Variants in PHF14 observed in about 807,000 individuals in gnomAD.
PHF14 encodes PHD finger protein 14.
A neutral mutation model predicts 117.9 loss-of-function variants in PHF14; 55 were observed. That is an observed-to-expected ratio of 0.47 (90% confidence interval 0.38 to 0.58). PHF14 has a LOEUF of 0.58. PHF14 is among the 20% of genes least tolerant of loss of function. The pLI is 0.00. For missense variants in PHF14, 978 were observed against 1,122.2 expected, an observed-to-expected ratio of 0.87 and a Z score of 1.84; for synonymous variants, 409 against 368.6, an observed-to-expected ratio of 1.11 and a Z score of -1.26.
intron 17 of PHF14, among the ~76,000 whole-genome samples, chr7:11,163,472 T>A (rs1180193834): frequency 6.6e-6 from 1 of 152,210 alleles, no homozygotes; most frequent in Non-Finnish European, 1.5e-5. Flanking sequence ...CTTCAATTGC[T>A]CATTCAATGC....
At chr7:11,027,804 A>T (rs917159575) in intron 6 of PHF14, among the ~76,000 whole-genome samples, 7 of 152,080 alleles carry the variant, frequency 4.6e-5, no homozygotes, top group African/African-American at 1.7e-4. Context: ...TTTTCCAAGC[A>T]ATTTTATATT....
intron 16 of PHF14, among the ~76,000 whole-genome samples, chr7:11,077,141 C>A (rs1375977505): frequency 1.3e-5 from 2 of 151,956 alleles, no homozygotes; most frequent in Admixed American, 6.6e-5. Flanking sequence ...TCATTATGGT[C>A]ATCTATTTAC....
At chr7:10,983,740 T>C (rs1294656669) in intron 3 of PHF14, among the ~76,000 whole-genome samples, 1 of 152,176 alleles carries the variant, frequency 6.6e-6, no homozygotes, top group Non-Finnish European at 1.5e-5. Flanking sequence ...TTTTTACATA[T>C]ATTTAGTAAA....
chr7:11,036,838 A>G lies in PHF14; in HGVS notation c.1874-147A>G, dbSNP rs908654207. ...TTTTCCTAATATGTTGTGGGTTTTTACAAAATGCTAGGTTCATTTATTTGT... is the reference window on the plus strand; with the variant it reads ...TTTTCCTAATATGTTGTGGGTTTTTGCAAAATGCTAGGTTCATTTATTTGT... On this transcript the variant is annotated intron_variant, in intron 9 of 17. Transcript: ENST00000634607. 3 of 949,374 alleles carry G rather than the reference A, an allele frequency of 3.2e-6. No homozygotes were observed. In the African/African-American group the frequency reaches 5.0e-5, roughly 16 times the overall value. The allele number at this position is 949,374 out of a possible 1,614,324, so 58.8% of individuals were successfully genotyped here.
chr7:11,107,338 CA>C, intron 16 of PHF14: 23 of 920,626 alleles, frequency 2.5e-5, no homozygotes, highest in Non-Finnish European at 3.0e-5. Flanking sequence ...AAGTATTTTA[CA>C]TACATATAGA....
chr7:11,052,855 C>G (rs1014000927), intron 14 of PHF14, among the ~76,000 whole-genome samples: 2 of 152,028 alleles, frequency 1.3e-5, no homozygotes, highest in East Asian at 3.8e-4. Flanking sequence ...TAAAGAGTTT[C>G]TTCTGGGGAA....
intron 17 of PHF14, among the ~76,000 whole-genome samples, chr7:11,149,005 T>C (rs978843008): frequency 6.6e-6 from 1 of 152,082 alleles, no homozygotes; most frequent in African/African-American, 2.4e-5. Context: ...TTCCTTGAAA[T>C]AGGGTTTTTT....
At chr7:11,050,798 T>C (rs1784830120) in intron 13 of PHF14, among the ~76,000 whole-genome samples, 2 of 152,210 alleles carry the variant, frequency 1.3e-5, no homozygotes. Context: ...TAAATAAATG[T>C]ATATTTCTTC....
chr7:11,023,031 A>C, intron 6 of PHF14, 52 bp downstream of exon 6: 1 of 955,920 alleles, frequency 1.0e-6, no homozygotes, highest in Non-Finnish European at 1.6e-6. Flanking sequence ...TTTACTTGTT[A>C]GTTTACCTGG....
At chr7:10,996,816 G>A (rs536695076) in intron 4 of PHF14, among the ~76,000 whole-genome samples, 72 of 152,272 alleles carry the variant, frequency 4.7e-4, no homozygotes, top group Middle Eastern at 3.4e-3. Flanking sequence ...GTGAGAACCA[G>A]AGCCCACAAG....
chr7:10,976,446 G>T (rs541919859), intron 2 of PHF14, among the ~76,000 whole-genome samples: 2 of 152,236 alleles, frequency 1.3e-5, no homozygotes, highest in East Asian at 3.9e-4. Flanking sequence ...TGTAAACTTT[G>T]ACAAACATAG....
At chr7:11,032,979 C>A (rs1214480511) in intron 7 of PHF14, among the ~76,000 whole-genome samples, 1 of 152,118 alleles carries the variant, frequency 6.6e-6, no homozygotes, top group African/African-American at 2.4e-5. Flanking sequence ...AGTTTTCTAT[C>A]CATAAAATTG....
intron 7 of PHF14, among the ~76,000 whole-genome samples, chr7:11,031,610 T>G (rs1784123069): frequency 7.0e-6 from 1 of 142,490 alleles, no homozygotes; most frequent in African/African-American, 2.5e-5. Flanking sequence ...AAAAAAAAAT[T>G]AGCTGGGTGT....
At chr7:11,157,030 G>A (rs1044208537) in intron 17 of PHF14, among the ~76,000 whole-genome samples, 7 of 152,040 alleles carry the variant, frequency 4.6e-5, no homozygotes, top group African/African-American at 1.7e-4. Context: ...ATGTTGTCAT[G>A]GTTCAGTTAT....
At chr7:11,149,739 A>G (rs2128353597) in intron 17 of PHF14, among the ~76,000 whole-genome samples, 1 of 152,254 alleles carries the variant, frequency 6.6e-6, no homozygotes, top group Admixed American at 6.5e-5. Context: ...TTTGTTATCT[A>G]CTGATGATTT....
At chr7:11,158,494 A>G (rs1481854900) in intron 17 of PHF14, among the ~76,000 whole-genome samples, 1 of 152,114 alleles carries the variant, frequency 6.6e-6, no homozygotes, top group Non-Finnish European at 1.5e-5. Context: ...TCAAGGTAGT[A>G]TTTGTCAGCT....
rs139522263 is a variant in PHF14 at position 11,023,565 on chromosome 7, G to A, written c.1317+586G>A. Among the ~76,000 whole-genome samples the A allele has an allele frequency of 6.1e-4, 93 of 152,260 alleles. No individual in the cohort carries two copies. The Middle Eastern group carries it at 0.01, about 17-fold the overall frequency. On this transcript the variant is annotated intron_variant, in intron 6 of 17. Coordinates refer to ENST00000634607, the MANE Select transcript of PHF14 (RefSeq NM_001007157.2). The stretch of plus-strand genomic sequence containing the variant: ...TGGCCAATTAGGGCTGGGTGCTCAC[G>A]CCTGTTATCCCAGCACTTCGGGAGG...
intron 1 of PHF14, among the ~76,000 whole-genome samples, chr7:10,974,525 A>G (rs1781796857): frequency 6.6e-6 from 1 of 152,144 alleles, no homozygotes; most frequent in Non-Finnish European, 1.5e-5. Context: ...TACGATGTCT[A>G]AGTGGGGGAT....
At chr7:10,975,946 ACAG>A (rs1326172583) in intron 2 of PHF14, among the ~76,000 whole-genome samples, 6 of 152,188 alleles carry the variant, frequency 3.9e-5, no homozygotes, top group Non-Finnish European at 8.8e-5. Flanking sequence ...AGTAGCATCA[ACAG>A]CAGAATTTGC....
Sources: gnomAD v4.1 joint callset for allele counts (sites outside exome capture counted in the v4.1 genomes callset) on GRCh38, gnomAD v4.1.1 for gene constraint, MANE v1.5 for transcripts, NCBI Gene and HGNC (gene_info 2026-07-23, HGNC 2026-07-21) for gene names.